Variants in POLDIP2 observed in about 807,000 individuals in gnomAD.
POLDIP2 encodes the protein polymerase delta-interacting protein 2.
A neutral mutation model predicts 52.9 loss-of-function variants in POLDIP2; 32 were observed. The observed-to-expected ratio is 0.61, with a 90% CI of 0.46 to 0.81. The LOEUF (loss-of-function observed/expected upper bound fraction) is 0.81, where lower values mean the gene tolerates loss of function less well. POLDIP2 is among the 40% of genes least tolerant of loss of function. The probability of loss-of-function intolerance (pLI) is 0.00; values close to 1 mark genes in which losing one functional copy is unlikely to be tolerated. For missense variants in POLDIP2, 371 were observed against 477.3 expected (o/e 0.78, Z 2.07); for synonymous variants, 183 against 183.0 (o/e 1.00, Z 0.00).
chr17:28,349,459 CAAAA>C (rs11357551), intron 9 of POLDIP2, among the ~76,000 whole-genome samples: 7 of 73,370 alleles, frequency 9.5e-5, no homozygotes, highest in African/African-American at 2.2e-4. Flanking sequence ...CCCATCTCCA[CAAAA>C]AAAAAAAAAA....
At chr17:28,353,063 GGA>G (rs782018889) in intron 5 of POLDIP2, 44 bp from the exon 6 acceptor site, 6 of 809,060 alleles carry the variant, frequency 7.4e-6, no homozygotes, top group Non-Finnish European at 1.3e-5. Flanking sequence ...TCACAGGAGA[GGA>G]GAGAGATGGG....
In POLDIP2 at chr17:28,349,877, T is replaced by C. The variant is rs75296893; in HGVS notation, c.912+561A>G. On this transcript the variant is annotated intron_variant, in intron 9 of 10. Coordinates refer to ENST00000540200, the MANE Select transcript of POLDIP2 (RefSeq NM_015584.5). ...ACCTAAATCCAAAGCCTTGTTCTTATTCACTTGCCCAACTGCCTCCCCAGT... is the reference window on the plus strand; with the variant it reads ...ACCTAAATCCAAAGCCTTGTTCTTACTCACTTGCCCAACTGCCTCCCCAGT... Among the ~76,000 whole-genome samples, 1,025 of 152,350 alleles carry C rather than the reference T, an allele frequency of 6.7e-3. 15 individuals carry two copies. The highest frequency in any genetic ancestry group is 0.022 in the African/African-American group (918 of 41,566).
At chr17:28,352,083 C>T (rs1555580074) in intron 6 of POLDIP2, among the ~76,000 whole-genome samples, 1 of 152,080 alleles carries the variant, frequency 6.6e-6, no homozygotes, top group Non-Finnish European at 1.5e-5. Context: ...CTACTAGCAA[C>T]CTTGAGTCCC....
intron 1 of POLDIP2, among the ~76,000 whole-genome samples, chr17:28,356,780 AAC>A: frequency 6.6e-6 from 1 of 152,252 alleles, no homozygotes; most frequent in South Asian, 2.1e-4. Context: ...CATCCGTGGA[AAC>A]AGTTTCCACA....
Position 28,348,158 on chromosome 17 carries a change from T to C in POLDIP2, c.1066A>G (p.Asn356Asp), listed in dbSNP as rs1907657981. The change falls in exon 11 of 11, where the codon AAT becomes GAT. Residue 356 changes from asparagine to aspartate, a missense_variant. Physicochemically the swap from Asn to Asp is conservative, Grantham distance 23. Transcript: ENST00000540200. ...GAGGGTGGTGTCTTCTCATCTTTAT[T>C]GCTTTCCAGGGAGAAGGGAGGAATC... is the stretch of plus-strand genomic sequence containing the variant. ...VRIPPFSLES[N>D]KDEKTPPSGL... 1.9e-6 allele frequency: 3 copies of C among 1,613,808 alleles called. No individual in the cohort carries two copies. In the Admixed American group the frequency reaches 5.0e-5, roughly 27 times the overall value.
chr17:28,355,488 T>G (rs935929312), intron 2 of POLDIP2, among the ~76,000 whole-genome samples: 1 of 152,108 alleles, frequency 6.6e-6, no homozygotes, highest in South Asian at 2.1e-4. Context: ...ATGCTTGTAA[T>G]CCCAGCTACT....
At chr17:28,352,448 C>CGATGG (rs1907839590) in intron 6 of POLDIP2, among the ~76,000 whole-genome samples, 1 of 150,752 alleles carries the variant, frequency 6.6e-6, no homozygotes, top group African/African-American at 2.4e-5. Context: ...ACATTGGCCA[C>CGATGG]GATGGTCTTG....
Position 28,357,460 on chromosome 17 carries a change from G to A in POLDIP2, c.-12C>T. 3 of 1,430,388 alleles carry A rather than the reference G, an allele frequency of 2.1e-6. No homozygotes were observed. The highest frequency in any genetic ancestry group is 2.7e-6 in the Non-Finnish European group (3 of 1,105,706). The allele number at this position is 1,430,388 out of a possible 1,614,324, so 88.6% of individuals were successfully genotyped here. A position where few individuals can be genotyped will look rare whatever the true frequency, so the allele number is the denominator to read the frequency against. On this transcript the variant is annotated 5_prime_UTR_variant, in exon 1 of 11. Coordinates refer to ENST00000540200, the MANE Select transcript of POLDIP2 (RefSeq NM_015584.5). ...GTACAGGCTGCCATGTCCCGCCCGA[G>A]CGCCCGCCCGGCTGCTGACACAGAG...
At position 28,354,517 on chromosome 17, in the gene POLDIP2, G is replaced by T; in HGVS notation, c.312C>A (p.Asp104Glu). Residue 104 changes from aspartate (D) to glutamate (E), a missense_variant, in exon 3 of 11, where the codon GAC becomes GAA. Asp to Glu is a conservative substitution (Grantham distance 45). Transcript: ENST00000540200. The stretch of plus-strand genomic sequence containing the variant: ...CTGGAGCTGCAGAAGCCACATCCCG[G>T]TCATACAGTCTGGCCTGCCAGGGAA... ...VLFPWQARLY[D>E]RDVASAAPEK... 2 of 1,559,966 alleles carry T rather than the reference G, an allele frequency of 1.3e-6. No individual in the cohort carries two copies. The highest frequency in any genetic ancestry group is 8.7e-7 in the Non-Finnish European group (1 of 1,151,836).
rs1555581234 is a variant in POLDIP2 at position 28,357,443 on chromosome 17, T to C, written c.6A>G (p.Ala2=). 6.9e-7 allele frequency: 1 copy of C among 1,449,646 alleles called. No individual in the cohort carries two copies. Among genetic ancestry groups the C allele is most frequent in the Non-Finnish European group, 9.0e-7 (1 of 1,115,876 alleles). 89.8% of individuals were successfully genotyped at this position (1,449,646 alleles called of 1,614,324 possible). M[A]ACTARRALAV... is the part of the protein sequence containing the mutation. The stretch of plus-strand genomic sequence containing the variant: ...CCAGGGCCCGCCGGGCTGTACAGGC[T>C]GCCATGTCCCGCCCGAGCGCCCGCC... Residue 2 remains alanine (A), a synonymous_variant, in exon 1 of 11, where the codon GCA becomes GCG. Transcript: ENST00000540200.
intron 6 of POLDIP2, among the ~76,000 whole-genome samples, chr17:28,352,532 C>T (rs1397175738): frequency 6.2e-5 from 7 of 112,884 alleles, no homozygotes; most frequent in African/African-American, 1.0e-4. Context: ...CACAAGCACC[C>T]GGGCCTTTTT....
intron 4 of POLDIP2, 121 bp downstream of exon 4, chr17:28,353,574 A>C (rs1392940151): frequency 1.5e-6 from 1 of 668,536 alleles, no homozygotes; most frequent in African/African-American, 1.9e-5. Context: ...GTGCAGTCCA[A>C]GGCCTTGGGG....
chr17:28,352,926 T>C lies in POLDIP2; in HGVS notation c.608A>G (p.Tyr203Cys), dbSNP rs781915658. ...QHELFERFLL[Y>C]DQTKAPPFVA... Reference sequence around the variant, plus strand: ...AGAGAGATTACCTTTTGTCTGGTCATACAGAAGAAATCTTTCAAAGAGTTC... The same window carrying C: ...AGAGAGATTACCTTTTGTCTGGTCACACAGAAGAAATCTTTCAAAGAGTTC... Residue 203 changes from tyrosine to cysteine, a missense_variant, in exon 6 of 11, where the codon TAT becomes TGT. Transcript: ENST00000540200. 3.8e-6 allele frequency: 6 copies of C among 1,588,342 alleles called. No individual in the cohort carries two copies. The East Asian group carries it at 8.9e-5, about 24-fold the overall frequency.
At chr17:28,353,926 C>T (rs1907920422) in intron 3 of POLDIP2, 135 bp from the exon 4 acceptor site, 4 of 666,760 alleles carry the variant, frequency 6.0e-6, no homozygotes, top group Non-Finnish European at 8.2e-6. Context: ...TGGACACCTG[C>T]TCTGCAGCAC....
chr17:28,354,821 T>G (rs1251779955), intron 2 of POLDIP2, among the ~76,000 whole-genome samples: 3 of 152,190 alleles, frequency 2.0e-5, no homozygotes, highest in African/African-American at 7.2e-5. Flanking sequence ...TTCCCTGACC[T>G]CCCTTCCACT....
intron 6 of POLDIP2, 29 bp downstream of exon 6, chr17:28,352,883 T>C (rs782280168): frequency 1.1e-5 from 16 of 1,422,888 alleles, no homozygotes; most frequent in Non-Finnish European, 1.5e-5. Context: ...GGCCCTCCCA[T>C]TCCACCTCCC....
rs116359061 is a variant in POLDIP2, at chr17:28,349,704, C to T, written c.913-542G>A. On this transcript the variant is annotated intron_variant, in intron 9 of 10. Transcript: ENST00000540200. Reference sequence around the variant, plus strand: ...ATGCTGGCGGGGACCACGGCAGGTACTCTGCAAACCTCTGCTGCTTTAATT... The same window carrying T: ...ATGCTGGCGGGGACCACGGCAGGTATTCTGCAAACCTCTGCTGCTTTAATT... Among the ~76,000 whole-genome samples the T allele has an allele frequency of 5.0e-3, 765 of 152,216 alleles. 9 individuals are homozygous for T. Among genetic ancestry groups the T allele is most frequent in the African/African-American group, 0.018 (729 of 41,536 alleles).
chr17:28,355,165 C>T (rs889738047), intron 2 of POLDIP2, among the ~76,000 whole-genome samples: 1 of 152,230 alleles, frequency 6.6e-6, no homozygotes, highest in Non-Finnish European at 1.5e-5. Flanking sequence ...CCACGGCTTC[C>T]CACCATCCAC....
chr17:28,357,206 G>A, intron 1 of POLDIP2, 82 bp downstream of exon 1: 1 of 1,302,138 alleles, frequency 7.7e-7, no homozygotes, highest in Non-Finnish European at 1.0e-6. Flanking sequence ...GCAGGCCCGG[G>A]CCCCTGGCCT....
Sources: gnomAD v4.1 joint callset for allele counts (sites outside exome capture counted in the v4.1 genomes callset) on GRCh38, gnomAD v4.1.1 for gene constraint, MANE v1.5 for transcripts, NCBI Gene and HGNC (gene_info 2026-07-23, HGNC 2026-07-21) for gene names.